The following CTNNA2 variants were observed in gnomAD, a reference collection of about 807,000 sequenced individuals.
CTNNA2 encodes catenin alpha 2, also known as catenin alpha-2.
CTNNA2 carries 42 observed loss-of-function variants against 101.0 expected under a neutral mutation model. That is an observed-to-expected ratio of 0.42 (90% CI 0.32 to 0.54). The LOEUF is 0.54. Ranked by LOEUF, CTNNA2 falls within the 20% of genes least tolerant of loss-of-function variation. The pLI is 0.14. For missense variants in CTNNA2, 871 were observed against 1,223.1 expected, an observed-to-expected ratio of 0.71 and a Z score of 4.29; for synonymous variants, 450 against 456.4, an observed-to-expected ratio of 0.99 and a Z score of 0.18.
intron 7 of CTNNA2, among the ~76,000 whole-genome samples, chr2:80,106,394 T>A (rs985231460): frequency 6.6e-6 from 1 of 152,178 alleles, no homozygotes; most frequent in African/African-American, 2.4e-5. Flanking sequence ...ATTTTCACAA[T>A]AATGCATCTC....
chr2:80,375,025 G>A (rs1259408874), intron 7 of CTNNA2, among the ~76,000 whole-genome samples: 1 of 152,090 alleles, frequency 6.6e-6, no homozygotes, highest in Non-Finnish European at 1.5e-5. Flanking sequence ...GATGTGATTT[G>A]CAGCCTGCAG....
intron 7 of CTNNA2, among the ~76,000 whole-genome samples, chr2:80,014,154 G>C (rs533490862): frequency 6.6e-6 from 1 of 152,148 alleles, no homozygotes; most frequent in South Asian, 2.1e-4. Context: ...TCATTGACTG[G>C]TACTTTCATT....
At chr2:79,414,779 C>T (rs1280087610) in intron 4 of CTNNA2, among the ~76,000 whole-genome samples, 1 of 152,002 alleles carries the variant, frequency 6.6e-6, no homozygotes, top group South Asian at 2.1e-4. Flanking sequence ...AAGGGAGGCC[C>T]AGCTGTTAGA....
At chr2:80,331,737 T>C (rs1376515541) in intron 7 of CTNNA2, among the ~76,000 whole-genome samples, 1 of 152,216 alleles carries the variant, frequency 6.6e-6, no homozygotes. Flanking sequence ...AGATAAAAGA[T>C]GGATTGGCTT....
intron 1 of CTNNA2, among the ~76,000 whole-genome samples, chr2:79,527,902 T>C (rs1168681525): frequency 6.6e-6 from 1 of 152,130 alleles, no homozygotes; most frequent in Non-Finnish European, 1.5e-5. Context: ...AGCCAAAAAG[T>C]TGAAAAATCT....
At chr2:80,116,229 G>A (rs1701508449) in intron 7 of CTNNA2, among the ~76,000 whole-genome samples, 1 of 151,996 alleles carries the variant, frequency 6.6e-6, no homozygotes. Context: ...ACAAAAACAG[G>A]TTGTGGGATG....
At chr2:79,355,513 C>T (rs1225547092) in intron 3 of CTNNA2, among the ~76,000 whole-genome samples, 1 of 152,096 alleles carries the variant, frequency 6.6e-6, no homozygotes, top group Non-Finnish European at 1.5e-5. Context: ...AGGACAATCA[C>T]AGTGTTATTC....
chr2:80,275,154 G>A (rs539839978), intron 7 of CTNNA2, among the ~76,000 whole-genome samples: 6 of 152,104 alleles, frequency 3.9e-5, no homozygotes, highest in Admixed American at 6.5e-5. Flanking sequence ...TCAAACCCCC[G>A]TGACCTCTTG....
At chr2:79,692,031 A>T (rs1684338457) in intron 2 of CTNNA2, among the ~76,000 whole-genome samples, 1 of 152,228 alleles carries the variant, frequency 6.6e-6, no homozygotes, top group Non-Finnish European at 1.5e-5. Context: ...ATGGGATCTA[A>T]TTAAACTAAG....
intron 4 of CTNNA2, among the ~76,000 whole-genome samples, chr2:79,418,425 C>T (rs776232880): frequency 6.6e-6 from 1 of 152,016 alleles, no homozygotes; most frequent in South Asian, 2.1e-4. Context: ...TTGACCTAAG[C>T]CCAGTAATAA....
At chr2:79,845,155 C>A (rs376071571) in intron 3 of CTNNA2, among the ~76,000 whole-genome samples, 1 of 142,902 alleles carries the variant, frequency 7.0e-6, no homozygotes, top group South Asian at 2.2e-4. Flanking sequence ...TGATTCCCAA[C>A]TCCCTAAACA....
At chr2:79,990,912 C>A (rs1283340351) in intron 7 of CTNNA2, among the ~76,000 whole-genome samples, 3 of 152,048 alleles carry the variant, frequency 2.0e-5, no homozygotes, top group Admixed American at 1.3e-4. Flanking sequence ...TGGTCCTGGA[C>A]TTTTTTTGGT....
At chr2:80,304,963 A>AT (rs1676781195) in intron 7 of CTNNA2, 2 of 608,182 alleles carry the variant, frequency 3.3e-6, no homozygotes, top group Non-Finnish European at 4.1e-6. Context: ...TAGGGGTAGC[A>AT]TCATCCACGA....
intron 4 of CTNNA2, among the ~76,000 whole-genome samples, chr2:79,391,959 C>T (rs550282482): frequency 2.6e-5 from 4 of 152,180 alleles, no homozygotes; most frequent in Admixed American, 2.0e-4. Context: ...TTCCTCTGTG[C>T]GCTCACTTCC....
chr2:79,696,092 A>G (rs1684635906), intron 2 of CTNNA2, among the ~76,000 whole-genome samples: 1 of 151,994 alleles, frequency 6.6e-6, no homozygotes, highest in Non-Finnish European at 1.5e-5. Context: ...TCTAGGTCAG[A>G]TGGGAATGGA....
At chr2:79,304,285 G>A (rs1386650298) in intron 2 of CTNNA2, among the ~76,000 whole-genome samples, 1 of 152,164 alleles carries the variant, frequency 6.6e-6, no homozygotes, top group East Asian at 1.9e-4. Context: ...AAAGTTATAA[G>A]AATTCACTAC....
At position 79,947,992 on chromosome 2, in the gene CTNNA2, C is replaced by T. The variant is rs1463925530; in HGVS notation, c.1056+38195C>T. Among the ~76,000 whole-genome samples, 4 of 152,178 alleles carry T rather than the reference C, an allele frequency of 2.6e-5. No individual in the cohort carries two copies. In the East Asian group the frequency reaches 5.8e-4, roughly 22 times the overall value. On this transcript the variant is annotated intron_variant, in intron 7 of 18. Coordinates refer to ENST00000402739, the MANE Select transcript of CTNNA2 (RefSeq NM_001282597.3). ...AGATGACTGAGGTGCCCAGTGTTCCCGTCCCTGCCCTGCAAGAAAGGTCTG... is the reference window on the plus strand; with the variant it reads ...AGATGACTGAGGTGCCCAGTGTTCCTGTCCCTGCCCTGCAAGAAAGGTCTG...
intron 1 of CTNNA2, among the ~76,000 whole-genome samples, chr2:79,626,728 C>G (rs556383344): frequency 6.6e-6 from 1 of 151,460 alleles, no homozygotes; most frequent in Admixed American, 6.6e-5. Context: ...GCTGGCTAAA[C>G]AGCCTTGTGT....
chr2:79,535,307 T>A (rs1672987624), intron 1 of CTNNA2, among the ~76,000 whole-genome samples: 1 of 152,000 alleles, frequency 6.6e-6, no homozygotes, highest in African/African-American at 2.4e-5. Context: ...TGGGTTCAAG[T>A]GATTCTCCTG....
Sources: allele counts gnomAD v4.1 joint callset (sites outside exome capture counted in the v4.1 genomes callset), GRCh38; gene constraint gnomAD v4.1.1; transcripts MANE v1.5; gene names NCBI Gene and HGNC (gene_info 2026-07-23, HGNC 2026-07-21).